Variants in IQGAP2 observed in about 807,000 individuals in gnomAD.
The protein encoded by IQGAP2 is ras GTPase-activating-like protein IQGAP2.
Under a neutral mutation model 201.3 loss-of-function variants are expected in IQGAP2, and 173 were observed. The ratio of observed to expected loss-of-function variants is 0.86; its 90% CI spans 0.76 to 0.98. The LOEUF is 0.98. IQGAP2 is among the 50% of genes least tolerant of loss of function. The probability of loss-of-function intolerance (pLI) is 0.00; values close to 1 mark genes in which losing one functional copy is unlikely to be tolerated. For synonymous variants in IQGAP2, 675 were observed against 673.9 expected (o/e 1.00, Z -0.03); for missense variants, 1,687 against 1,864.8 (o/e 0.90, Z 1.76).
chr5:76,494,395 A>G (rs1474366020), intron 2 of IQGAP2, among the ~76,000 whole-genome samples: 1 of 152,168 alleles, frequency 6.6e-6, no homozygotes, highest in African/African-American at 2.4e-5. Context: ...TAACCAGAGG[A>G]TAAGGTCCAC....
intron 2 of IQGAP2, chr5:76,547,362 A>G: frequency 1.4e-6 from 1 of 721,776 alleles, no homozygotes; most frequent in Non-Finnish European, 1.7e-6. Flanking sequence ...GGTGTTCTGG[A>G]ATGTCCATTA....
chr5:76,694,895 A>G (rs1221699810), intron 31 of IQGAP2, among the ~76,000 whole-genome samples: 1 of 152,222 alleles, frequency 6.6e-6, no homozygotes, highest in East Asian at 1.9e-4. Flanking sequence ...TTGGGAATTT[A>G]TAATGTGCTA....
At chr5:76,417,141 G>C (rs993434385) in intron 1 of IQGAP2, among the ~76,000 whole-genome samples, 30 of 152,110 alleles carry the variant, frequency 2.0e-4, no homozygotes, top group African/African-American at 6.7e-4. Flanking sequence ...AATTGTTCAA[G>C]TGTGTGTGTG....
intron 2 of IQGAP2, among the ~76,000 whole-genome samples, chr5:76,532,029 G>A (rs1034808761): frequency 6.6e-6 from 1 of 152,196 alleles, no homozygotes; most frequent in African/African-American, 2.4e-5. Flanking sequence ...CACCCTCATG[G>A]CCTAATGGCC....
intron 2 of IQGAP2, among the ~76,000 whole-genome samples, chr5:76,511,376 A>G (rs529948523): frequency 1.4e-4 from 21 of 152,322 alleles, no homozygotes; most frequent in Admixed American, 9.1e-4. Context: ...TGGGGGAAGA[A>G]GAAGGGCCAA....
chr5:76,500,591 T>C (rs1757219467), intron 2 of IQGAP2, among the ~76,000 whole-genome samples: 1 of 152,222 alleles, frequency 6.6e-6, no homozygotes, highest in African/African-American at 2.4e-5. Context: ...GGTACCACTT[T>C]CCAATTTAAG....
chr5:76,440,721 C>T (rs1167846968), intron 1 of IQGAP2, among the ~76,000 whole-genome samples: 1 of 152,104 alleles, frequency 6.6e-6, no homozygotes, highest in Non-Finnish European at 1.5e-5. Context: ...TGGCTTGAGA[C>T]AGCATAGCCT....
chr5:76,564,513 C>G (rs1744603056), intron 3 of IQGAP2, among the ~76,000 whole-genome samples: 1 of 152,230 alleles, frequency 6.6e-6, no homozygotes, highest in Admixed American at 6.5e-5. Context: ...GTTCTTTTCT[C>G]TTCCTGGAAT....
chr5:76,623,023 A>G (rs1044906571), intron 13 of IQGAP2: 7 of 755,360 alleles, frequency 9.3e-6, no homozygotes, highest in East Asian at 7.4e-5. Flanking sequence ...GTTCATTTCC[A>G]TGATTCTACC....
intron 1 of IQGAP2, among the ~76,000 whole-genome samples, chr5:76,408,460 C>T (rs1750917456): frequency 6.6e-6 from 1 of 152,158 alleles, no homozygotes; most frequent in Non-Finnish European, 1.5e-5. Context: ...TAGCTGGTGG[C>T]AGAGGAACTT....
At chr5:76,461,382 T>A (rs10056768) in intron 1 of IQGAP2, among the ~76,000 whole-genome samples, 188 bp from the exon 2 acceptor site, 45,772 of 146,768 alleles carry the variant, frequency 0.31, 7,464 homozygotes, top group East Asian at 0.51. Context: ...AAAAAAAAAA[T>A]AAAAATAAAG....
intron 2 of IQGAP2, among the ~76,000 whole-genome samples, chr5:76,561,424 G>A (rs1744355624): frequency 6.6e-6 from 1 of 152,174 alleles, no homozygotes; most frequent in South Asian, 2.1e-4. Context: ...CTGTTTAAGT[G>A]TTGGCAGGAT....
intron 23 of IQGAP2, among the ~76,000 whole-genome samples, chr5:76,670,426 A>C (rs1334252972): frequency 6.6e-6 from 1 of 152,156 alleles, no homozygotes; most frequent in Non-Finnish European, 1.5e-5. Context: ...AGACGGGAGA[A>C]TGGTGTGAAC....
At chr5:76,660,551 A>C (rs1743158825) in intron 21 of IQGAP2, among the ~76,000 whole-genome samples, 1 of 152,266 alleles carries the variant, frequency 6.6e-6, no homozygotes, top group Admixed American at 6.5e-5. Context: ...GCTTAGTTGC[A>C]AATCAGTACA....
At chr5:76,455,593 A>G (rs1381724244) in intron 1 of IQGAP2, among the ~76,000 whole-genome samples, 1 of 124,606 alleles carries the variant, frequency 8.0e-6, no homozygotes, top group Non-Finnish European at 1.8e-5. Context: ...TCCTGATGCC[A>G]TGTACATTGA....
intron 17 of IQGAP2, among the ~76,000 whole-genome samples, chr5:76,642,614 A>G (rs929624089): frequency 2.6e-5 from 4 of 152,214 alleles, no homozygotes; most frequent in African/African-American, 4.8e-5. Flanking sequence ...GTGTCATGCT[A>G]ATCTCATTTC....
At chr5:76,415,679 C>T (rs1385180241) in intron 1 of IQGAP2, among the ~76,000 whole-genome samples, 1 of 152,172 alleles carries the variant, frequency 6.6e-6, no homozygotes, top group Non-Finnish European at 1.5e-5. Flanking sequence ...CAGTGGTTCC[C>T]ACCTGTAATC....
chr5:76,525,268 C>T (rs1377690646), intron 2 of IQGAP2, among the ~76,000 whole-genome samples: 1 of 152,176 alleles, frequency 6.6e-6, no homozygotes, highest in African/African-American at 2.4e-5. Flanking sequence ...TTGTTACATG[C>T]CAGCCGGCAA....
chr5:76,504,323 G>A (rs1019766984), intron 2 of IQGAP2, among the ~76,000 whole-genome samples: 2 of 152,182 alleles, frequency 1.3e-5, no homozygotes, highest in Admixed American at 6.5e-5. Flanking sequence ...AAGTCAGGCA[G>A]GGGAACTGGT....
Sources: gnomAD v4.1 joint callset for allele counts (sites outside exome capture counted in the v4.1 genomes callset) on GRCh38, gnomAD v4.1.1 for gene constraint, MANE v1.5 for transcripts, NCBI Gene and HGNC (gene_info 2026-07-23, HGNC 2026-07-21) for gene names.